TRMT1: variants seen among roughly 807,000 people sequenced by gnomAD.
TRMT1 encodes tRNA methyltransferase 1, also known as tRNA (guanine(26)-N(2))-dimethyltransferase.
Under a neutral mutation model 75.4 loss-of-function variants are expected in TRMT1, and 63 were observed. That is an observed-to-expected ratio of 0.84 (90% CI 0.68 to 1.03). TRMT1 has a LOEUF of 1.03. Among genes scored for constraint, TRMT1 ranks in the 50% least tolerant of loss-of-function variants. The probability of loss-of-function intolerance (pLI) is 0.00; values close to 1 mark genes in which losing one functional copy is unlikely to be tolerated. For missense variants in TRMT1, 870 were observed against 905.3 expected (o/e 0.96, Z 0.50); for synonymous variants, 382 against 358.1 (o/e 1.07, Z -0.75).
chr19:13,115,901 G>C (rs758069208), intron 3 of TRMT1, 96 bp downstream of exon 3: 1 of 1,608,718 alleles, frequency 6.2e-7, no homozygotes, highest in East Asian at 2.2e-5. Flanking sequence ...CCTGCTATGT[G>C]GCTGAAGCCC....
chr19:13,106,765 G>A (rs1012630133), intron 14 of TRMT1, among the ~76,000 whole-genome samples: 1 of 151,626 alleles, frequency 6.6e-6, no homozygotes, highest in African/African-American at 2.4e-5. Flanking sequence ...GGGATTACAG[G>A]TGTGAGCCAC....
chr19:13,112,904 C>A lies in TRMT1; in HGVS notation c.749G>T (p.Ser250Ile), dbSNP rs1337453574. 4 of 1,613,118 alleles carry A rather than the reference C, an allele frequency of 2.5e-6. No homozygotes were observed. The highest frequency in any genetic ancestry group is 3.4e-6 in the Non-Finnish European group (4 of 1,179,508). Reference sequence around the variant, plus strand: ...TGCCATCCCCACCTCACCTCCTTCACTCACAGCCTGCACAGCTGCATCCAG... The same window carrying A: ...TGCCATCCCCACCTCACCTCCTTCAATCACAGCCTGCACAGCTGCATCCAG... ...TFLDAAVQAV[S>I]EGGLLCVTCT... The change falls in exon 6 of 17, where the codon AGT (serine) becomes ATT (isoleucine). Residue 250 changes from serine to isoleucine, a missense_variant. By Grantham distance (142) the Ser-to-Ile change is moderately radical. Coordinates refer to ENST00000357720, the MANE Select transcript of TRMT1 (RefSeq NM_001136035.4).
chr19:13,106,710 C>T (rs543301660), intron 14 of TRMT1, among the ~76,000 whole-genome samples: 1 of 150,956 alleles, frequency 6.6e-6, no homozygotes, highest in Non-Finnish European at 1.5e-5. Context: ...TGGTCTTGAA[C>T]TCCTGACCTC....
chr19:13,112,516 G>A (rs2019180398), intron 7 of TRMT1, among the ~76,000 whole-genome samples, 189 bp downstream of exon 7: 1 of 152,214 alleles, frequency 6.6e-6, no homozygotes, highest in Admixed American at 6.5e-5. Flanking sequence ...AAATGACCAT[G>A]ATTATCAGCC....
At chr19:13,107,985 CTTTTTTTT>C (rs71168652) in intron 12 of TRMT1, 126 bp from the exon 13 acceptor site, 12,361 of 332,022 alleles carry the variant, frequency 0.037, 113 homozygotes, top group Admixed American at 0.12. Context: ...CTTTTCTTTT[CTTTTTTTT>C]TTTTTTTTTT....
chr19:13,105,917 C>T (rs1222391193), intron 14 of TRMT1, among the ~76,000 whole-genome samples: 2 of 152,026 alleles, frequency 1.3e-5, no homozygotes, highest in African/African-American at 4.8e-5. Context: ...CAAAAATTAG[C>T]CAGGCGTGGT....
rs994323880 is a variant in TRMT1 at position 13,115,391 on chromosome 19, G to A, written c.529C>T (p.Leu177Phe). The A allele has an allele frequency of 2.5e-6, 4 of 1,613,982 alleles. No individual in the cohort carries two copies. The highest frequency in any genetic ancestry group is 2.2e-5 in the East Asian group (1 of 44,896). ...GCATCGTTTGCAACCACAGATCTGA[G>A]CCCAGGCACCTCTAGGGCAAATCGA... is the stretch of plus-strand genomic sequence containing the variant. ...SIRFALEVPG[L>F]RSVVANDAST... is the part of the protein sequence containing the mutation. The change falls in exon 5 of 17, where the codon CTC (leucine) becomes TTC (phenylalanine). Residue 177 changes from leucine to phenylalanine, a missense_variant. Physicochemically the swap from Leu to Phe is conservative, Grantham distance 22. Transcript: ENST00000357720.
At chr19:13,107,903 AC>A (rs1240925244) in intron 12 of TRMT1, 44 bp from the exon 13 acceptor site, 4 of 1,519,552 alleles carry the variant, frequency 2.6e-6, no homozygotes, top group Non-Finnish European at 3.6e-6. Flanking sequence ...GGACTCCTTG[AC>A]CCCAAAGCCC....
intron 5 of TRMT1, among the ~76,000 whole-genome samples, chr19:13,114,326 A>G (rs927575059): frequency 7.9e-5 from 12 of 152,284 alleles, no homozygotes; most frequent in Admixed American, 7.2e-4. Flanking sequence ...GTTTGAGACT[A>G]GCCTGGCCAA....
intron 16 of TRMT1, 36 bp from the exon 17 acceptor site, chr19:13,105,117 G>C: frequency 1.3e-6 from 2 of 1,555,910 alleles, no homozygotes; most frequent in South Asian, 2.5e-5. Context: ...CCCCTGCCCG[G>C]AGCTCAGCAG....
chr19:13,111,421 T>C (rs2019135480), intron 7 of TRMT1, among the ~76,000 whole-genome samples: 1 of 150,882 alleles, frequency 6.6e-6, no homozygotes, highest in Admixed American at 6.6e-5. Flanking sequence ...TTTGCTCTTG[T>C]TGCCCAGGCT....
Position 13,115,758 on chromosome 19 carries a change from T to G in TRMT1, c.321A>C (p.Pro107=), listed in dbSNP as rs752830995. ...LGAKGIQIKV[P]GEKDTQKVVV... ...CCACTTTTTGCGTGTCCTTCTCTCC[T>G]GGAACCTTGACTGCAGCCACCCAGA... Residue 107 remains proline, a synonymous_variant, in exon 4 of 17, where the codon CCA becomes CCC. Coordinates refer to ENST00000357720, the MANE Select transcript of TRMT1 (RefSeq NM_001136035.4). 4 of 1,613,966 alleles carry G rather than the reference T, an allele frequency of 2.5e-6. No individual in the cohort carries two copies. The East Asian group carries it at 6.7e-5, about 27-fold the overall frequency.
Position 13,113,085 on chromosome 19 carries a change from G to A in TRMT1, c.642-74C>T, listed in dbSNP as rs915598439. ...CTCTGTCCCCTACACATATTAACTC[G>A]TACAGCACAGTGGTTTGGGTCTGAA... On this transcript the variant is annotated intron_variant, in intron 5 of 16. Transcript: ENST00000357720. The A allele has an allele frequency of 1.1e-5, 12 of 1,134,702 alleles. No homozygotes were observed. The Admixed American group carries it at 1.1e-4, about 10-fold the overall frequency. The allele number at this position is 1,134,702 out of a possible 1,614,324, so 70.3% of individuals were successfully genotyped here. A position where few individuals can be genotyped will look rare whatever the true frequency, so the allele number is the denominator to read the frequency against.
In TRMT1 at chr19:13,105,345, G is replaced by C. The variant is rs769526664; in HGVS notation, c.1755C>G (p.Asn585Lys). Reference sequence around the variant, plus strand: ...CATCTTCCGGCGGCTCCTTCCGCTTGTTCTGAAGCAGCCTGCGTCTCTCCT... The same window carrying C: ...CATCTTCCGGCGGCTCCTTCCGCTTCTTCTGAAGCAGCCTGCGTCTCTCCT... ...AMEERRRLLQNKRKEPPEDVA... is the reference protein window; with the variant it reads ...AMEERRRLLQKKRKEPPEDVA... The change falls in exon 16 of 17, where the codon AAC becomes AAG. Residue 585 changes from asparagine (N) to lysine (K), a missense_variant. Asn to Lys is a moderately conservative substitution (Grantham distance 94). Coordinates refer to ENST00000357720, the MANE Select transcript of TRMT1 (RefSeq NM_001136035.4). 53 of 1,613,834 alleles carry C rather than the reference G, an allele frequency of 3.3e-5. 1 individual carries two copies. In the South Asian group the frequency reaches 5.7e-4, roughly 17 times the overall value.
intron 14 of TRMT1, among the ~76,000 whole-genome samples, chr19:13,105,955 G>C (rs187304897): frequency 6.6e-6 from 1 of 152,082 alleles, no homozygotes; most frequent in African/African-American, 2.4e-5. Flanking sequence ...CCAGCTACTC[G>C]GGACGCTGAG....
At chr19:13,113,057 C>A in intron 5 of TRMT1, 46 bp from the exon 6 acceptor site, 1 of 1,473,136 alleles carries the variant, frequency 6.8e-7, no homozygotes, top group East Asian at 2.4e-5. Flanking sequence ...CGCCAGGTAC[C>A]TTCTCTGTCC....
At chr19:13,114,430 G>A (rs1351559882) in intron 5 of TRMT1, among the ~76,000 whole-genome samples, 1 of 152,214 alleles carries the variant, frequency 6.6e-6, no homozygotes, top group Non-Finnish European at 1.5e-5. Context: ...ACTTTGGGAG[G>A]CCGAGGCGGG....
intron 14 of TRMT1, 89 bp from the exon 15 acceptor site, chr19:13,105,695 A>C (rs971155409): frequency 1.6e-6 from 2 of 1,283,532 alleles, no homozygotes; most frequent in African/African-American, 3.0e-5. Context: ...CGCCTCCACA[A>C]CACAGCACGA....
rs780854924 is a variant in TRMT1 at position 13,104,958 on chromosome 19, C to T, written c.1957G>A (p.Ala653Thr). The change falls in exon 17 of 17, where the codon GCC becomes ACC. Residue 653 changes from alanine to threonine, a missense_variant. Ala to Thr is a moderately conservative substitution (Grantham distance 58). Transcript: ENST00000357720. Reference protein sequence around the residue: ...SNQTPPGPGAAAGPGID With the variant: ...SNQTPPGPGATAGPGID ...GTTCAGTCTATGCCTGGCCCAGCGG[C>T]AGCCCCAGGTCCAGGGGGGGTCTGG... 1.2e-6 allele frequency: 2 copies of T among 1,613,924 alleles called. No individual in the cohort carries two copies. The highest frequency in any genetic ancestry group is 1.7e-6 in the Non-Finnish European group (2 of 1,179,938).
Sources: gnomAD v4.1 joint callset for allele counts (sites outside exome capture counted in the v4.1 genomes callset) on GRCh38, gnomAD v4.1.1 for gene constraint, MANE v1.5 for transcripts, NCBI Gene and HGNC (gene_info 2026-07-23, HGNC 2026-07-21) for gene names.